Variants in CNTNAP2 observed in about 807,000 individuals in gnomAD.
The protein encoded by CNTNAP2 is contactin-associated protein-like 2.
CNTNAP2 carries 98 observed loss-of-function variants against 155.2 expected under a neutral mutation model. The ratio of observed to expected loss-of-function variants is 0.63; its 90% CI spans 0.54 to 0.75. CNTNAP2 has a LOEUF of 0.75. Ranked by LOEUF, CNTNAP2 falls within the 30% of genes least tolerant of loss-of-function variation. The pLI is 0.00. For synonymous variants in CNTNAP2, 651 were observed against 631.2 expected (o/e 1.03, Z -0.47); for missense variants, 1,727 against 1,688.1 (o/e 1.02, Z -0.40).
intron 1 of CNTNAP2, among the ~76,000 whole-genome samples, chr7:146,765,877 G>A (rs947180748): frequency 2.4e-4 from 37 of 152,096 alleles, no homozygotes; most frequent in Admixed American, 9.2e-4. Context: ...GCTGGACAGC[G>A]GAGAGGATGG....
At chr7:146,595,421 G>T (rs1351668850) in intron 1 of CNTNAP2, among the ~76,000 whole-genome samples, 2 of 151,978 alleles carry the variant, frequency 1.3e-5, no homozygotes, top group African/African-American at 4.8e-5. Context: ...TGTTGATCAT[G>T]ACCATTATTC....
At chr7:146,929,457 A>T (rs1050248966) in intron 3 of CNTNAP2, among the ~76,000 whole-genome samples, 4 of 152,176 alleles carry the variant, frequency 2.6e-5, no homozygotes, top group Admixed American at 2.0e-4. Context: ...ATCATCAAAG[A>T]CCAAAAGTAG....
intron 8 of CNTNAP2, among the ~76,000 whole-genome samples, chr7:147,173,829 G>A (rs1286057113): frequency 6.6e-6 from 1 of 152,190 alleles, no homozygotes; most frequent in Admixed American, 6.5e-5. Context: ...ACACGTTGCT[G>A]CTAACTGCAG....
At chr7:148,092,551 C>A (rs931994271) in intron 15 of CNTNAP2, among the ~76,000 whole-genome samples, 9 of 152,260 alleles carry the variant, frequency 5.9e-5, no homozygotes, top group Middle Eastern at 3.4e-3. Flanking sequence ...TCCTGCCCTG[C>A]TGGGGGTTAG....
intron 1 of CNTNAP2, among the ~76,000 whole-genome samples, chr7:146,443,381 G>A (rs896424085): frequency 6.6e-6 from 1 of 152,024 alleles, no homozygotes; most frequent in Non-Finnish European, 1.5e-5. Context: ...GAATAAAAGA[G>A]AGTTTCAGAG....
At chr7:147,035,701 T>G (rs1799140871) in intron 3 of CNTNAP2, among the ~76,000 whole-genome samples, 1 of 152,182 alleles carries the variant, frequency 6.6e-6, no homozygotes, top group Non-Finnish European at 1.5e-5. Flanking sequence ...TAGTCTTAAG[T>G]AAAACCTTTA....
chr7:146,147,139 ATTC>A (rs1182508116), intron 1 of CNTNAP2, among the ~76,000 whole-genome samples: 1 of 152,178 alleles, frequency 6.6e-6, no homozygotes, highest in Non-Finnish European at 1.5e-5. Flanking sequence ...ATTGCCAGGA[ATTC>A]TTCTTTGCTT....
rs60011554 is a variant in CNTNAP2 at position 148,380,204 on chromosome 7, G to A, written c.3476-3445G>A. On this transcript the variant is annotated intron_variant, in intron 21 of 23. Coordinates refer to ENST00000361727, the MANE Select transcript of CNTNAP2 (RefSeq NM_014141.6). ...TACCCAAGACACCTCCAGGCAGAAC[G>A]TTGTTTCTTACAGTAAATGATATTT... 2.8e-3 allele frequency among the ~76,000 whole-genome samples: 430 copies of A among 152,274 alleles called. 3 individuals are homozygous for A. The highest frequency in any genetic ancestry group is 0.01 in the Middle Eastern group (3 of 294).
Position 147,933,056 on chromosome 7 carries a change from GGTTTGTTTGTTT to G in CNTNAP2, c.2255+29364_2255+29375del, listed in dbSNP as rs71527856. On this transcript the variant is annotated intron_variant, in intron 14 of 23. Transcript: ENST00000361727. ...GTGGCTATTGGTTTTTATTTGAGGG[GGTTTGTTTGTTT>G]GTTTGTTTGTTTGTTTGTTTGTTTG... Among the ~76,000 whole-genome samples, 286 of 145,256 alleles carry G rather than the reference GGTTTGTTTGTTT, an allele frequency of 2.0e-3. 1 individual carries two copies. Among genetic ancestry groups the G allele is most frequent in the Middle Eastern group, 6.8e-3 (2 of 294 alleles).
intron 11 of CNTNAP2, among the ~76,000 whole-genome samples, chr7:147,489,482 A>T (rs893203222): frequency 1.6e-4 from 25 of 152,236 alleles, no homozygotes; most frequent in African/African-American, 5.8e-4. Context: ...TCCACTCTCC[A>T]TAAATCCTTT....
At chr7:146,491,127 C>T (rs1797133180) in intron 1 of CNTNAP2, among the ~76,000 whole-genome samples, 1 of 151,670 alleles carries the variant, frequency 6.6e-6, no homozygotes, top group African/African-American at 2.4e-5. Context: ...AACAAAAAAC[C>T]CAAAGATGAG....
intron 15 of CNTNAP2, among the ~76,000 whole-genome samples, chr7:148,115,900 A>T (rs1428335214): frequency 6.6e-6 from 1 of 152,122 alleles, no homozygotes; most frequent in African/African-American, 2.4e-5. Context: ...GCACTTTGGG[A>T]GGCTGAGGCA....
intron 6 of CNTNAP2, 33 bp from the exon 7 acceptor site, chr7:147,128,660 T>G (rs769170569): frequency 1.5e-5 from 24 of 1,613,124 alleles, no homozygotes; most frequent in Non-Finnish European, 2.0e-5. Context: ...TAATACAATG[T>G]GGACGTTTAC....
At chr7:146,663,277 C>CAAAAAAAAAAAAAAA (rs543257224) in intron 1 of CNTNAP2, among the ~76,000 whole-genome samples, 14 of 33,162 alleles carry the variant, frequency 4.2e-4, no homozygotes, top group African/African-American at 9.9e-4. Context: ...AACTCCATCT[C>CAAAAAAAAAAAAAAA]AAAAAAAAAA....
chr7:148,023,010 T>C (rs1802313036), intron 15 of CNTNAP2, among the ~76,000 whole-genome samples: 1 of 152,154 alleles, frequency 6.6e-6, no homozygotes, highest in Non-Finnish European at 1.5e-5. Flanking sequence ...AGTCACTTCT[T>C]TGGGTGTCAC....
At chr7:146,437,147 A>G (rs10242114) in intron 1 of CNTNAP2, among the ~76,000 whole-genome samples, 12,658 of 151,098 alleles carry the variant, frequency 0.084, 1,993 homozygotes, top group African/African-American at 0.28. Flanking sequence ...AACGTGCATG[A>G]GAGGGATTTA....
intron 15 of CNTNAP2, among the ~76,000 whole-genome samples, chr7:148,064,325 G>A (rs537829790): frequency 2.0e-5 from 3 of 152,070 alleles, no homozygotes; most frequent in South Asian, 4.1e-4. Flanking sequence ...TGGCAGTATG[G>A]TCATTTTGAC....
intron 3 of CNTNAP2, among the ~76,000 whole-genome samples, chr7:147,000,374 C>A (rs530355695): frequency 6.6e-6 from 1 of 152,158 alleles, no homozygotes; most frequent in East Asian, 1.9e-4. Context: ...ACATCTCCAT[C>A]TTTTCAGGGT....
At chr7:146,390,060 T>C (rs1795518562) in intron 1 of CNTNAP2, among the ~76,000 whole-genome samples, 1 of 152,104 alleles carries the variant, frequency 6.6e-6, no homozygotes, top group African/African-American at 2.4e-5. Flanking sequence ...CACCCTAAAC[T>C]TGCCTAATAA....
Sources: gnomAD v4.1 joint callset for allele counts (sites outside exome capture counted in the v4.1 genomes callset) on GRCh38, gnomAD v4.1.1 for gene constraint, MANE v1.5 for transcripts, NCBI Gene and HGNC (gene_info 2026-07-23, HGNC 2026-07-21) for gene names.